Variants in CDRT4 observed in about 807,000 individuals in gnomAD.
The protein encoded by CDRT4 is CMT1A duplicated region transcript 4.
For synonymous variants in CDRT4, 64 were observed against 69.6 expected (o/e 0.92, Z 0.40); for missense variants, 167 against 193.1 (o/e 0.87, Z 0.80).
intron 2 of CDRT4, chr17:15,443,789 CTCCGGGT>C (rs1473981745): frequency 1.9e-6 from 1 of 528,252 alleles, no homozygotes; most frequent in East Asian, 4.8e-5. Context: ...ACAAAAAAGG[CTCCGGGT>C]TGACAAAGGG....
intron 2 of CDRT4, chr17:15,444,319 C>T (rs1166741646): frequency 4.3e-6 from 2 of 460,700 alleles, no homozygotes; most frequent in Middle Eastern, 6.3e-4. Context: ...TAAAATGCTT[C>T]TAAACCCAGT....
At chr17:15,443,885 C>A in intron 2 of CDRT4, 1 of 625,936 alleles carries the variant, frequency 1.6e-6, no homozygotes, top group Non-Finnish European at 3.1e-6. Context: ...TCACACTGGG[C>A]TTCCACTACA....
rs541964496 is a variant in CDRT4 at position 15,439,364 on chromosome 17, A to C, written c.31+844T>G. On this transcript the variant is annotated intron_variant, in intron 3 of 3. Coordinates refer to ENST00000619038, the MANE Select transcript of CDRT4 (RefSeq NM_001204477.2). ...TGCCTCGTGGCTGTCCAGGAGCTGG[A>C]GCTTGTCTGGGGACAGATCTGTCAG... Among the ~76,000 whole-genome samples the C allele has an allele frequency of 2.0e-5, 3 of 152,278 alleles. No homozygotes were observed. The South Asian group carries it at 6.2e-4, about 32-fold the overall frequency.
At position 15,450,993 on chromosome 17, in the gene CDRT4, A is replaced by G. The variant is rs114700011; in HGVS notation, c.-48+2011T>C. ...CTAACTGAACTACTGAACACCTGCT[A>G]CTGGTCTCCCTGCTTCCACTCTTGT... On this transcript the variant is annotated intron_variant, in intron 2 of 3. Transcript: ENST00000619038. This position sits in a 1 kb window ranked among gnomAD's most constrained non-coding sequence, Gnocchi z 4.2. 0.012 allele frequency among the ~76,000 whole-genome samples: 1,815 copies of G among 152,242 alleles called. 33 individuals carry two copies. Among genetic ancestry groups the G allele is most frequent in the African/African-American group, 0.041 (1,707 of 41,536 alleles).
At chr17:15,447,462 C>T (rs1340241306) in intron 2 of CDRT4, among the ~76,000 whole-genome samples, 1 of 152,190 alleles carries the variant, frequency 6.6e-6, no homozygotes, top group African/African-American at 2.4e-5. Context: ...ACTCGGGATC[C>T]ATGTTCTTCT....
chr17:15,458,157 C>T lies in CDRT4; in HGVS notation c.-129-5072G>A, dbSNP rs568016128. Among the ~76,000 whole-genome samples the T allele has an allele frequency of 7.9e-5, 12 of 152,284 alleles. No homozygotes were observed. The East Asian group carries it at 2.1e-3, about 27-fold the overall frequency. On this transcript the variant is annotated intron_variant, in intron 1 of 3. Coordinates refer to ENST00000619038, the MANE Select transcript of CDRT4 (RefSeq NM_001204477.2). ...TCATTTCGCTTTTACTGGGACTTAACGAATTCCATCTCTCAATAGCCATAT... is the reference window on the plus strand; with the variant it reads ...TCATTTCGCTTTTACTGGGACTTAATGAATTCCATCTCTCAATAGCCATAT...
chr17:15,440,407 C>T, intron 2 of CDRT4, 122 bp from the exon 3 acceptor site: 1 of 1,116,512 alleles, frequency 9.0e-7, no homozygotes, highest in Non-Finnish European at 1.3e-6. Flanking sequence ...ATGACTCCAC[C>T]CCCTGAGAAG....
At chr17:15,459,940 C>T (rs2150798403) in intron 1 of CDRT4, among the ~76,000 whole-genome samples, 1 of 152,268 alleles carries the variant, frequency 6.6e-6, no homozygotes, top group South Asian at 2.1e-4. Context: ...CCTCTCTTCT[C>T]AGGCCCCATG....
chr17:15,441,275 C>T (rs7207301), intron 2 of CDRT4, among the ~76,000 whole-genome samples: 1,582 of 152,276 alleles, frequency 0.01, 33 homozygotes, highest in African/African-American at 0.036. Context: ...GAAGGCAGTG[C>T]TTCTCAAATT....
At chr17:15,463,074 T>A (rs1156706458) in intron 1 of CDRT4, among the ~76,000 whole-genome samples, 1 of 152,060 alleles carries the variant, frequency 6.6e-6, no homozygotes, top group African/African-American at 2.4e-5. Flanking sequence ...AAATGAAGAT[T>A]GTCGAGATGA....
rs74994437 is a variant in CDRT4 at position 15,461,331 on chromosome 17, G to A, written c.-130+6129C>T. Among the ~76,000 whole-genome samples the A allele has an allele frequency of 3.5e-3, 530 of 152,322 alleles. 4 individuals are homozygous for A. Among genetic ancestry groups the A allele is most frequent in the African/African-American group, 0.012 (511 of 41,568 alleles). ...CAGAATCCCTGCCCTTAAGGAAGTC[G>A]GCCTCTGCAGTTCCGCTACAGCATG... is the stretch of plus-strand genomic sequence containing the variant. On this transcript the variant is annotated intron_variant, in intron 1 of 3. Transcript: ENST00000619038.
chr17:15,462,765 G>T (rs1979815845), intron 1 of CDRT4, among the ~76,000 whole-genome samples: 1 of 152,164 alleles, frequency 6.6e-6, no homozygotes, highest in Admixed American at 6.5e-5. Flanking sequence ...TAAAGCAAGT[G>T]TGTGACTTCC....
chr17:15,438,762 T>G (rs1319951601), intron 3 of CDRT4, among the ~76,000 whole-genome samples: 1 of 152,232 alleles, frequency 6.6e-6, no homozygotes, highest in Non-Finnish European at 1.5e-5. Context: ...GTTAAGCTTT[T>G]AGCACAGTGA....
At chr17:15,442,179 G>A (rs1422381841) in intron 2 of CDRT4, among the ~76,000 whole-genome samples, 3 of 152,134 alleles carry the variant, frequency 2.0e-5, no homozygotes, top group East Asian at 3.9e-4. Flanking sequence ...GGGAGACCAC[G>A]ACGGGCGGAT....
Position 15,463,891 on chromosome 17 carries a change from C to G in CDRT4, c.-130+3569G>C, listed in dbSNP as rs920022011. 2.6e-5 allele frequency among the ~76,000 whole-genome samples: 4 copies of G among 152,136 alleles called. 1 individual carries two copies. Among genetic ancestry groups the G allele is most frequent in the Admixed American group, 1.3e-4 (2 of 15,274 alleles). On this transcript the variant is annotated intron_variant, in intron 1 of 3. Coordinates refer to ENST00000619038, the MANE Select transcript of CDRT4 (RefSeq NM_001204477.2). ...CTGGGGTCTGGCCAGGGATCAGTAG[C>G]TGGTGGGGAAGTCTGAGCTGAGACT...
chr17:15,444,882 A>G (rs912113303), intron 2 of CDRT4, among the ~76,000 whole-genome samples: 1 of 152,060 alleles, frequency 6.6e-6, no homozygotes, highest in Non-Finnish European at 1.5e-5. Context: ...CACAACCACC[A>G]CCTGCCAATA....
rs1177128928 is a variant in CDRT4 at position 15,436,021 on chromosome 17, A to G, written c.*1752T>C. 1 of 152,184 alleles carries G rather than the reference A, an allele frequency of 6.6e-6. No individual in the cohort carries two copies. Among genetic ancestry groups the G allele is most frequent in the Non-Finnish European group, 1.5e-5 (1 of 68,030 alleles). The allele number at this position is 152,184 out of a possible 1,614,324, so 9.4% of individuals were successfully genotyped here. On this transcript the variant is annotated 3_prime_UTR_variant, in exon 4 of 4. Coordinates refer to ENST00000619038, the MANE Select transcript of CDRT4 (RefSeq NM_001204477.2). The stretch of plus-strand genomic sequence containing the variant: ...CATAAAAGAACAAAAGAGATAAAAA[A>G]ATTATTGGAGGAATTTATTGCCTGC...
chr17:15,457,523 C>T (rs949641159), intron 1 of CDRT4, among the ~76,000 whole-genome samples: 1 of 152,208 alleles, frequency 6.6e-6, no homozygotes. Context: ...CCAGATGGGC[C>T]CTGCTTTCAT....
At chr17:15,443,972 T>C (rs1978898231) in intron 2 of CDRT4, 1 of 713,266 alleles carries the variant, frequency 1.4e-6, no homozygotes, top group African/African-American at 1.7e-5. Context: ...AAATCCAAAA[T>C]TTCTTGGGTG....
Sources: allele counts gnomAD v4.1 joint callset (sites outside exome capture counted in the v4.1 genomes callset), GRCh38; gene constraint gnomAD v4.1.1; non-coding constraint Gnocchi (gnomAD v3.1); transcripts MANE v1.5; gene names NCBI Gene and HGNC (gene_info 2026-07-23, HGNC 2026-07-21).